NGF: variants seen among roughly 807,000 people sequenced by gnomAD.
The protein encoded by NGF is beta-nerve growth factor.
NGF carries 4 observed loss-of-function variants against 12.8 expected under a neutral mutation model. The ratio of observed to expected loss-of-function variants is 0.31; its 90% CI spans 0.15 to 0.72. The LOEUF (loss-of-function observed/expected upper bound fraction) is 0.72, where lower values mean the gene tolerates loss of function less well. NGF is among the 30% of genes least tolerant of loss of function. The pLI is 0.69. For missense variants in NGF, 283 were observed against 330.8 expected, an observed-to-expected ratio of 0.86 and a Z score of 1.12; for synonymous variants, 140 against 130.0, an observed-to-expected ratio of 1.08 and a Z score of -0.52.
intron 2 of NGF, among the ~76,000 whole-genome samples, chr1:115,287,300 G>A (rs2101020167): frequency 6.6e-6 from 1 of 152,322 alleles, no homozygotes; most frequent in East Asian, 1.9e-4. Context: ...GACATGTCTT[G>A]AAGCCTCAGA....
chr1:115,294,104 A>G (rs1001391560), intron 1 of NGF, among the ~76,000 whole-genome samples: 1 of 152,278 alleles, frequency 6.6e-6, no homozygotes, highest in Non-Finnish European at 1.5e-5. Context: ...TCAGTACATT[A>G]CACATGCAGA....
At chr1:115,286,905 C>T (rs935309760) in intron 2 of NGF, 98 bp from the exon 3 acceptor site, 47 of 1,447,522 alleles carry the variant, frequency 3.2e-5, no homozygotes, top group South Asian at 9.2e-5. Flanking sequence ...AAGGGGATCA[C>T]GAAGAGGTTT....
In NGF at chr1:115,301,661, T is replaced by C. The variant is rs1478730579; in HGVS notation, c.-136-7911A>G. Reference sequence around the variant, plus strand: ...CATGCTCAGTGGAACTGAGCAATTGTAGAACGCTCAGCCTGCAGCTGTGGG... The same window carrying C: ...CATGCTCAGTGGAACTGAGCAATTGCAGAACGCTCAGCCTGCAGCTGTGGG... On this transcript the variant is annotated intron_variant, in intron 1 of 2. Coordinates refer to ENST00000369512, the MANE Select transcript of NGF (RefSeq NM_002506.3). 2.0e-5 allele frequency among the ~76,000 whole-genome samples: 3 copies of C among 152,210 alleles called. No individual in the cohort carries two copies. In the East Asian group the frequency reaches 5.8e-4, roughly 29 times the overall value.
intron 1 of NGF, among the ~76,000 whole-genome samples, chr1:115,321,705 C>A (rs1654633389): frequency 6.6e-6 from 1 of 151,526 alleles, no homozygotes; most frequent in Non-Finnish European, 1.5e-5. Context: ...ATTTCCTTTT[C>A]ATGTCCAAGG....
In NGF at chr1:115,310,307, T is replaced by G. The variant is rs184227828; in HGVS notation, c.-136-16557A>C. Among the ~76,000 whole-genome samples, 5 of 152,378 alleles carry G rather than the reference T, an allele frequency of 3.3e-5. No homozygotes were observed. The East Asian group carries it at 9.6e-4, about 29-fold the overall frequency. On this transcript the variant is annotated intron_variant, in intron 1 of 2. Transcript: ENST00000369512. ...CTCTCTTTCCCAATTTCCAAATGGC[T>G]GGTAATGTTGTTATAATGCCTTTAT...
rs539360033 is a variant in NGF at position 115,291,049 on chromosome 1, CTCACAG to C, written c.-13+2572_-13+2577del. Among the ~76,000 whole-genome samples the C allele has an allele frequency of 1.4e-3, 220 of 152,322 alleles. 2 individuals are homozygous for C. The highest frequency in any genetic ancestry group is 1.4e-3 in the East Asian group (7 of 5,180). ...CCTACACTCTAACACTACTTTTCCACTCACAGTCAAGATACCAAATGGTATCACATT... is the reference window on the plus strand; with the variant it reads ...CCTACACTCTAACACTACTTTTCCACTCAAGATACCAAATGGTATCACATT... On this transcript the variant is annotated intron_variant, in intron 2 of 2. Transcript: ENST00000369512.
chr1:115,314,573 A>G (rs577375983), intron 1 of NGF, among the ~76,000 whole-genome samples: 31 of 152,348 alleles, frequency 2.0e-4, no homozygotes, highest in African/African-American at 7.2e-4. Context: ...TGTTCTGTGC[A>G]GGTGCACCAT....
chr1:115,315,142 A>C (rs1654443770), intron 1 of NGF, among the ~76,000 whole-genome samples: 1 of 152,188 alleles, frequency 6.6e-6, no homozygotes, highest in African/African-American at 2.4e-5. Flanking sequence ...AACTGGAACC[A>C]GCTTTTGTAG....
chr1:115,314,472 G>A (rs1008837558), intron 1 of NGF, among the ~76,000 whole-genome samples: 1 of 152,196 alleles, frequency 6.6e-6, no homozygotes, highest in Non-Finnish European at 1.5e-5. Context: ...CACGCTTCTT[G>A]TAGATGATAT....
intron 1 of NGF, among the ~76,000 whole-genome samples, chr1:115,320,807 G>A (rs1654602894): frequency 6.6e-6 from 1 of 152,236 alleles, no homozygotes; most frequent in African/African-American, 2.4e-5. Context: ...CAAAGCAGAA[G>A]GAGGTGGAAG....
At chr1:115,287,322 C>T (rs6328) in intron 2 of NGF, among the ~76,000 whole-genome samples, 3 of 151,948 alleles carry the variant, frequency 2.0e-5, no homozygotes, top group Admixed American at 1.3e-4. Flanking sequence ...CTGGGTACCC[C>T]CTTTCAGACA....
Position 115,328,841 on chromosome 1 carries a change from G to A in NGF, c.-137+9363C>T, listed in dbSNP as rs535600954. Among the ~76,000 whole-genome samples, 36 of 152,304 alleles carry A rather than the reference G, an allele frequency of 2.4e-4. No homozygotes were observed. In the South Asian group the frequency reaches 7.3e-3, roughly 31 times the overall value. ...CTTGGACAATTACTGTTATGGTCAT[G>A]CTTGGGGAAGAGAATCAAAGAAAGA... On this transcript the variant is annotated intron_variant, in intron 1 of 2. Coordinates refer to ENST00000369512, the MANE Select transcript of NGF (RefSeq NM_002506.3).
At chr1:115,330,304 A>G (rs1654881890) in intron 1 of NGF, among the ~76,000 whole-genome samples, 1 of 152,070 alleles carries the variant, frequency 6.6e-6, no homozygotes, top group South Asian at 2.1e-4. Context: ...ATATATAATC[A>G]CTCATCTCAG....
chr1:115,330,849 G>T (rs1654902451), intron 1 of NGF, among the ~76,000 whole-genome samples: 2 of 152,128 alleles, frequency 1.3e-5, no homozygotes, highest in Admixed American at 6.5e-5. Context: ...TGCCGTGCGT[G>T]TCTATACAGC....
chr1:115,290,302 T>A (rs1054368833), intron 2 of NGF, among the ~76,000 whole-genome samples: 1 of 151,744 alleles, frequency 6.6e-6, no homozygotes, highest in Non-Finnish European at 1.5e-5. Context: ...GCTGGTGGAA[T>A]CCTTCCTGTT....
At chr1:115,289,566 A>G (rs890964490) in intron 2 of NGF, among the ~76,000 whole-genome samples, 6 of 152,154 alleles carry the variant, frequency 3.9e-5, no homozygotes, top group African/African-American at 1.2e-4. Flanking sequence ...CCTGAGGGCA[A>G]TTCTCCATAG....
At chr1:115,306,329 C>T (rs967370520) in intron 1 of NGF, among the ~76,000 whole-genome samples, 7 of 152,148 alleles carry the variant, frequency 4.6e-5, no homozygotes, top group Admixed American at 4.6e-4. Flanking sequence ...CTTTATTTCC[C>T]AGAATTCATG....
intron 1 of NGF, among the ~76,000 whole-genome samples, chr1:115,300,230 G>A (rs960244277): frequency 1.3e-5 from 2 of 152,100 alleles, no homozygotes; most frequent in African/African-American, 4.8e-5. Flanking sequence ...ATTAAGACAA[G>A]GTAAGGATTC....
chr1:115,326,375 TAGACAACCAAACG>T (rs1253158697), intron 1 of NGF, among the ~76,000 whole-genome samples: 1 of 152,160 alleles, frequency 6.6e-6, no homozygotes, highest in Non-Finnish European at 1.5e-5. Flanking sequence ...ATCCAAGTTT[TAGACAACCAAACG>T]ATTGAGCAAA....
Sources: allele counts gnomAD v4.1 joint callset (sites outside exome capture counted in the v4.1 genomes callset), GRCh38; gene constraint gnomAD v4.1.1; transcripts MANE v1.5; gene names NCBI Gene and HGNC (gene_info 2026-07-23, HGNC 2026-07-21).